The following MARCHF1 variants were observed in gnomAD, a reference collection of about 807,000 sequenced individuals.
MARCHF1 encodes membrane associated ring-CH-type finger 1.
MARCHF1 carries 40 observed loss-of-function variants against 54.2 expected under a neutral mutation model. The ratio of observed to expected loss-of-function variants is 0.74; its 90% CI spans 0.57 to 0.96. MARCHF1 has a LOEUF of 0.96. Among genes scored for constraint, MARCHF1 ranks in the 40% least tolerant of loss-of-function variants. MARCHF1 has a pLI of 0.00. For missense variants in MARCHF1, 586 were observed against 656.5 expected (o/e 0.89, Z 1.17); for synonymous variants, 236 against 236.3 (o/e 1.00, Z 0.01).
At chr4:163,625,958 G>A (rs191881636) in intron 5 of MARCHF1, among the ~76,000 whole-genome samples, 69 of 152,262 alleles carry the variant, frequency 4.5e-4, no homozygotes, top group African/African-American at 1.4e-3. Context: ...GGTACATTAC[G>A]AGAGCTTGGT....
In MARCHF1 at chr4:164,060,032, T is replaced by C. The variant is rs146903046; in HGVS notation, c.-248+51556A>G. Among the ~76,000 whole-genome samples the C allele has an allele frequency of 2.2e-3, 336 of 152,262 alleles. 4 individuals carry two copies. The highest frequency in any genetic ancestry group is 7.8e-3 in the African/African-American group (326 of 41,576). ...TTTCTCATTTGTAGAATAAACATTT[T>C]GCCTCAATTAAATTAGATAATTTAG... On this transcript the variant is annotated intron_variant, in intron 2 of 9. Transcript: ENST00000514618.
At chr4:164,183,317 G>C (rs1730882826) in intron 1 of MARCHF1, among the ~76,000 whole-genome samples, 1 of 152,106 alleles carries the variant, frequency 6.6e-6, no homozygotes. Context: ...TGCATAAAAA[G>C]TGGTATTTGA....
rs568943357 is a variant in MARCHF1, at chr4:163,834,279, CA to C, written c.111+19741del. Among the ~76,000 whole-genome samples the C allele has an allele frequency of 9.9e-3, 1,286 of 129,406 alleles. 7 individuals carry two copies. Among genetic ancestry groups the C allele is most frequent in the South Asian group, 0.017 (70 of 4,066 alleles). The allele number at this position is 129,406 out of a possible 152,430, so 84.9% of individuals were successfully genotyped here. On this transcript the variant is annotated intron_variant, in intron 4 of 9. Coordinates refer to ENST00000514618, the MANE Select transcript of MARCHF1 (RefSeq NM_001394959.1). ...AATTGGGTGCCTGACAAAAACCTGC[CA>C]AAAAAAAAAAACATTACTAACTGAG...
chr4:164,038,473 A>G (rs1326302360), intron 2 of MARCHF1, among the ~76,000 whole-genome samples: 23 of 152,212 alleles, frequency 1.5e-4, no homozygotes, highest in Admixed American at 1.5e-3. Flanking sequence ...CGCCTGGGCG[A>G]CAGAGCCAGA....
intron 4 of MARCHF1, among the ~76,000 whole-genome samples, chr4:163,826,715 T>G (rs1388894378): frequency 6.6e-6 from 1 of 152,044 alleles, no homozygotes; most frequent in Non-Finnish European, 1.5e-5. Context: ...GAAACAAGTG[T>G]TGAAGTACAG....
chr4:164,280,486 G>GT (rs1051928365), intron 1 of MARCHF1, among the ~76,000 whole-genome samples: 4 of 152,012 alleles, frequency 2.6e-5, no homozygotes, highest in African/African-American at 7.2e-5. Context: ...AAGAAAAGGT[G>GT]TTGAAACAAC....
chr4:163,912,996 T>A (rs2111339854), intron 3 of MARCHF1, among the ~76,000 whole-genome samples: 1 of 152,326 alleles, frequency 6.6e-6, no homozygotes, highest in South Asian at 2.1e-4. Flanking sequence ...ATTATAAAAT[T>A]TAAAATGTTC....
intron 1 of MARCHF1, among the ~76,000 whole-genome samples, chr4:164,368,437 A>G (rs1043634769): frequency 1.3e-5 from 2 of 152,094 alleles, no homozygotes; most frequent in African/African-American, 4.8e-5. Flanking sequence ...TTTTATAGGG[A>G]AGTTTTGCTG....
chr4:163,974,104 T>C (rs1339202377), intron 3 of MARCHF1, among the ~76,000 whole-genome samples: 1 of 152,206 alleles, frequency 6.6e-6, no homozygotes, highest in Non-Finnish European at 1.5e-5. Flanking sequence ...AGAGTACCTA[T>C]GTGTGGTTGT....
In MARCHF1 at chr4:163,952,149, TTG is replaced by T. The variant is rs547518395; in HGVS notation, c.-39+36350_-39+36351del. 8.7e-3 allele frequency among the ~76,000 whole-genome samples: 1,326 copies of T among 152,314 alleles called. 11 individuals are homozygous for T. Among genetic ancestry groups the T allele is most frequent in the Non-Finnish European group, 0.014 (925 of 68,014 alleles). ...GAGAAACATATATTTGAGTTTGATC[TTG>T]CAAATATACAGACATATTTTCCATT... On this transcript the variant is annotated intron_variant, in intron 3 of 9. Transcript: ENST00000514618.
rs747981873 is a variant in MARCHF1, at chr4:163,613,335, G to T, written c.221C>A (p.Pro74Gln). The T allele has an allele frequency of 6.8e-6, 11 of 1,612,514 alleles. No individual in the cohort carries two copies. Among genetic ancestry groups the T allele is most frequent in the South Asian group, 4.4e-5 (4 of 90,868 alleles). ...PRSQSRLSVC[P>Q]STQDICRSAI... is the part of the protein sequence containing the mutation. Reference sequence around the variant, plus strand: ...TTACCTGCAGATGTCCTGAGTGGATGGACAGACAGACAACCTTGACTGGCT... The same window carrying T: ...TTACCTGCAGATGTCCTGAGTGGATTGACAGACAGACAACCTTGACTGGCT... Residue 74 changes from proline to glutamine, a missense_variant, in exon 6 of 10, where the codon CCA becomes CAA. Pro to Gln is a moderately conservative substitution (Grantham distance 76, BLOSUM62 -1). This residue lies in a region of MARCHF1 where 387 missense variants were observed against 394.6 expected (regional missense o/e 0.98). Transcript: ENST00000514618.
chr4:164,042,862 A>T (rs1754158495), intron 2 of MARCHF1, among the ~76,000 whole-genome samples: 1 of 152,258 alleles, frequency 6.6e-6, no homozygotes, highest in South Asian at 2.1e-4. Flanking sequence ...TGTCCAAAAC[A>T]GACGGCTACA....
rs150458467 is a variant in MARCHF1, at chr4:163,599,297, T to TTATATATATATATATATATATATATA, written c.1010+12973_1010+12974insTATATATATATATATATATATATATA. On this transcript the variant is annotated intron_variant, in intron 7 of 9. Transcript: ENST00000514618. ...AGAGTGAGACTCCATCTCAAAAAAATTATATATATATATATGTTTTATTTT... is the reference window on the plus strand; with the variant it reads ...AGAGTGAGACTCCATCTCAAAAAAATTATATATATATATATATATATATATATATATATATATATATGTTTTATTTT... Among the ~76,000 whole-genome samples the TTATATATATATATATATATATATATA allele has an allele frequency of 2.2e-3, 316 of 146,622 alleles. 3 individuals are homozygous for TTATATATATATATATATATATATATA. Among genetic ancestry groups the TTATATATATATATATATATATATATA allele is most frequent in the African/African-American group, 6.7e-3 (264 of 39,404 alleles).
chr4:163,560,512 C>T (rs541768743), intron 8 of MARCHF1, among the ~76,000 whole-genome samples: 56 of 152,240 alleles, frequency 3.7e-4, no homozygotes, highest in Non-Finnish European at 6.8e-4. Flanking sequence ...AGTTCTTTTG[C>T]ATTCCACTTG....
chr4:164,080,648 T>TTGTGTGTGTGTG (rs199734198), intron 2 of MARCHF1, among the ~76,000 whole-genome samples: 13 of 150,110 alleles, frequency 8.7e-5, no homozygotes, highest in African/African-American at 3.0e-4. Flanking sequence ...TAGTATTCTA[T>TTGTGTGTGTGTG]TGTGTGTGTG....
intron 2 of MARCHF1, among the ~76,000 whole-genome samples, chr4:164,052,489 G>A (rs372112254): frequency 3.3e-5 from 5 of 151,928 alleles, no homozygotes; most frequent in East Asian, 1.9e-4. Context: ...CCAAGATCAC[G>A]CCACTGCACT....
intron 2 of MARCHF1, among the ~76,000 whole-genome samples, chr4:164,030,259 GA>G (rs879263530): frequency 1.8e-4 from 27 of 151,192 alleles, no homozygotes; most frequent in Non-Finnish European, 2.4e-4. Flanking sequence ...GCTTTTTTTG[GA>G]AAAAAATTAA....
chr4:164,339,617 A>T (rs559639054), intron 1 of MARCHF1, among the ~76,000 whole-genome samples: 16 of 152,300 alleles, frequency 1.1e-4, no homozygotes, highest in African/African-American at 3.8e-4. Flanking sequence ...CATGAATAAA[A>T]AAGAAAGATC....
chr4:163,877,476 T>TC (rs397826683), intron 3 of MARCHF1, among the ~76,000 whole-genome samples: 3 of 150,158 alleles, frequency 2.0e-5, no homozygotes, highest in Non-Finnish European at 4.5e-5. Flanking sequence ...TTTTTTTTTT[T>TC]CTAATGAACA....
Sources: gnomAD v4.1 joint callset for allele counts (sites outside exome capture counted in the v4.1 genomes callset) on GRCh38, gnomAD v4.1.1 for gene constraint, gnomAD v4.1.1 regional missense constraint, MANE v1.5 for transcripts, NCBI Gene and HGNC (gene_info 2026-07-23, HGNC 2026-07-21) for gene names.